RANBP3L: variants seen among roughly 807,000 people sequenced by gnomAD.
RANBP3L encodes the protein ran-binding protein 3-like.
In RANBP3L, 56 loss-of-function variants were observed where a neutral mutation model predicts 67.2. The observed-to-expected ratio is 0.83, with a 90% CI of 0.67 to 1.04. RANBP3L has a LOEUF of 1.04. RANBP3L is among the 50% of genes least tolerant of loss of function. RANBP3L has a pLI of 0.00. For missense variants in RANBP3L, 496 were observed against 535.5 expected (o/e 0.93, Z 0.73); for synonymous variants, 164 against 181.4 (o/e 0.90, Z 0.77).
chr5:36,295,994 T>G (rs1330719285), intron 1 of RANBP3L, among the ~76,000 whole-genome samples: 1 of 152,086 alleles, frequency 6.6e-6, no homozygotes, highest in African/African-American at 2.4e-5. Context: ...TGAAACCTCA[T>G]TAAAAACCCT....
At chr5:36,271,436 C>G (rs770289451) in intron 1 of RANBP3L, 125 bp from the exon 2 acceptor site, 4 of 643,418 alleles carry the variant, frequency 6.2e-6, no homozygotes, top group Non-Finnish European at 1.1e-5. Context: ...AAAAGCCAAG[C>G]TATTTTACAT....
At chr5:36,266,775 G>A (rs1332977762) in intron 4 of RANBP3L, among the ~76,000 whole-genome samples, 2 of 148,426 alleles carry the variant, frequency 1.3e-5, no homozygotes, top group African/African-American at 5.0e-5. Flanking sequence ...TTTTTTCTTT[G>A]AGATTGAGTC....
At chr5:36,271,335 A>G (rs1301532698) in intron 1 of RANBP3L, 24 bp from the exon 2 acceptor site, 29 of 1,426,548 alleles carry the variant, frequency 2.0e-5, no homozygotes, top group Non-Finnish European at 2.9e-5. Flanking sequence ...GAAAACAGGC[A>G]AGAAATCAAA....
chr5:36,292,852 TC>T (rs1751902837), intron 1 of RANBP3L, among the ~76,000 whole-genome samples: 1 of 152,194 alleles, frequency 6.6e-6, no homozygotes, highest in Admixed American at 6.5e-5. Flanking sequence ...GCAGCTTCAT[TC>T]CTTTGGCTTA....
At chr5:36,269,811 C>A in intron 3 of RANBP3L, 140 bp downstream of exon 3, 1 of 769,762 alleles carries the variant, frequency 1.3e-6, no homozygotes, top group Non-Finnish European at 2.3e-6. Context: ...TCTTTCAAAA[C>A]AAAAGTGAAT....
At chr5:36,267,022 GC>G (rs1249222649) in intron 4 of RANBP3L, among the ~76,000 whole-genome samples, 1 of 152,200 alleles carries the variant, frequency 6.6e-6, no homozygotes, top group Non-Finnish European at 1.5e-5. Context: ...CTCTCAAAGT[GC>G]TGATATTACA....
chr5:36,290,952 G>A (rs1352892138), intron 1 of RANBP3L, among the ~76,000 whole-genome samples: 2 of 145,388 alleles, frequency 1.4e-5, no homozygotes, highest in Admixed American at 7.0e-5. Flanking sequence ...CACCATGTTG[G>A]CCAGGATGGT....
rs1461967752 is a variant in RANBP3L at position 36,257,478 on chromosome 5, A to T, written c.748T>A (p.Phe250Ile). The change falls in exon 9 of 14, where the codon TTT becomes ATT. Residue 250 changes from phenylalanine to isoleucine, a missense_variant. Phe to Ile is a conservative substitution (Grantham distance 21). Coordinates refer to ENST00000296604, the MANE Select transcript of RANBP3L (RefSeq NM_145000.5). ...KEKPFKSIPK[F>I]PVNFLSSRTD... ...CTTGAACTTAAAAAGTTGACAGGAA[A>T]TTTCGGAATGGATTTGAATGGTTTT... The T allele has an allele frequency of 6.3e-7, 1 of 1,585,654 alleles. No homozygotes were observed. The highest frequency in any genetic ancestry group is 1.3e-5 in the African/African-American group (1 of 74,318).
In RANBP3L at chr5:36,301,794, C is replaced by G. The variant is rs1387131269; in HGVS notation, c.-378G>C. 5.8e-6 allele frequency: 1 copy of G among 172,594 alleles called. No individual in the cohort carries two copies. The highest frequency in any genetic ancestry group is 2.4e-5 in the African/African-American group (1 of 42,132). 10.7% of individuals were successfully genotyped at this position (172,594 alleles called of 1,614,324 possible). A position where few individuals can be genotyped will look rare whatever the true frequency, so the allele number is the denominator to read the frequency against. ...CCTTTTGGCGACATGAAATCCAATG[C>G]CTCCAGTATTTAGAGAAGGCTGCTA... On this transcript the variant is annotated 5_prime_UTR_variant, in exon 1 of 14. Coordinates refer to ENST00000296604, the MANE Select transcript of RANBP3L (RefSeq NM_145000.5).
At chr5:36,282,399 C>T (rs1181779914) in intron 1 of RANBP3L, among the ~76,000 whole-genome samples, 2 of 152,160 alleles carry the variant, frequency 1.3e-5, no homozygotes, top group Non-Finnish European at 1.5e-5. Flanking sequence ...AGAACTAAAT[C>T]ACTCTTCAAA....
At chr5:36,263,848 T>C (rs1749564591) in intron 6 of RANBP3L, among the ~76,000 whole-genome samples, 1 of 152,214 alleles carries the variant, frequency 6.6e-6, no homozygotes, top group African/African-American at 2.4e-5. Context: ...TAAATAAAAG[T>C]AAGGAATTAT....
intron 1 of RANBP3L, among the ~76,000 whole-genome samples, chr5:36,273,725 T>C (rs532280779): frequency 4.6e-5 from 7 of 152,238 alleles, no homozygotes; most frequent in Non-Finnish European, 7.3e-5. Context: ...CTTAAAATTA[T>C]ATTTTTAAAA....
At chr5:36,289,398 T>C (rs796605039) in intron 1 of RANBP3L, among the ~76,000 whole-genome samples, 19 of 152,276 alleles carry the variant, frequency 1.2e-4, no homozygotes, top group African/African-American at 3.6e-4. Flanking sequence ...TATTTCCTTA[T>C]CCTTTTAAAA....
intron 1 of RANBP3L, among the ~76,000 whole-genome samples, chr5:36,283,998 T>A (rs1751159853): frequency 6.6e-6 from 1 of 152,112 alleles, no homozygotes; most frequent in Admixed American, 6.5e-5. Flanking sequence ...CTTTTTTTTT[T>A]TTGAGATGGA....
intron 10 of RANBP3L, 48 bp downstream of exon 10, chr5:36,256,893 T>G (rs1749015703): frequency 6.5e-7 from 1 of 1,542,422 alleles, no homozygotes; most frequent in Admixed American, 1.8e-5. Context: ...TTAACTTTAT[T>G]CCAAGTATGT....
chr5:36,261,627 G>A (rs112248666), intron 7 of RANBP3L, among the ~76,000 whole-genome samples: 7 of 152,284 alleles, frequency 4.6e-5, no homozygotes, highest in African/African-American at 1.4e-4. Context: ...GCTAGAGAGA[G>A]AGGAAGAGAG....
intron 6 of RANBP3L, 146 bp downstream of exon 6, chr5:36,264,813 A>G: frequency 2.9e-6 from 2 of 688,616 alleles, no homozygotes; most frequent in Non-Finnish European, 5.0e-6. Flanking sequence ...ACAACTTTGA[A>G]AAGTTTACCA....
intron 1 of RANBP3L, among the ~76,000 whole-genome samples, chr5:36,279,070 C>T (rs1429356204): frequency 6.6e-6 from 1 of 151,844 alleles, no homozygotes; most frequent in African/African-American, 2.4e-5. Flanking sequence ...ACATTATCTG[C>T]AGAAAAAAAA....
chr5:36,268,200 A>G, intron 4 of RANBP3L: 1 of 1,537,118 alleles, frequency 6.5e-7, no homozygotes, highest in Non-Finnish European at 8.8e-7. Context: ...TACCTGGCCC[A>G]GAATGGGGGA....
Sources: gnomAD v4.1 joint callset for allele counts (sites outside exome capture counted in the v4.1 genomes callset) on GRCh38, gnomAD v4.1.1 for gene constraint, MANE v1.5 for transcripts, NCBI Gene and HGNC (gene_info 2026-07-23, HGNC 2026-07-21) for gene names.